MROH9: variants seen among roughly 807,000 people sequenced by gnomAD.
MROH9 encodes the protein maestro heat like repeat family member 9.
A neutral mutation model predicts 98.2 loss-of-function variants in MROH9; 92 were observed. The ratio of observed to expected loss-of-function variants is 0.94; its 90% CI spans 0.79 to 1.11. The LOEUF (loss-of-function observed/expected upper bound fraction) is 1.11. Ranked by LOEUF, MROH9 falls within the 50% of genes most tolerant of loss-of-function variation. The pLI, the probability that MROH9 is intolerant of heterozygous loss-of-function variation, is 0.00. For missense variants in MROH9, 1,057 were observed against 1,014.8 expected (o/e 1.04, Z -0.57); for synonymous variants, 397 against 368.9 (o/e 1.08, Z -0.87).
At chr1:171,012,405 C>T (rs1305381199) in intron 15 of MROH9, among the ~76,000 whole-genome samples, 1 of 152,022 alleles carries the variant, frequency 6.6e-6, no homozygotes, top group Admixed American at 6.6e-5. Context: ...CTCTCACTCT[C>T]GCTCTCTTGC....
At chr1:170,954,213 C>T (rs1649675156) in intron 3 of MROH9, among the ~76,000 whole-genome samples, 2 of 152,082 alleles carry the variant, frequency 1.3e-5, no homozygotes, top group Non-Finnish European at 2.9e-5. Flanking sequence ...AGCCATTTAT[C>T]TCTGAGAAAT....
chr1:171,015,085 A>T (rs917155661), intron 16 of MROH9: 3 of 471,210 alleles, frequency 6.4e-6, no homozygotes, highest in Non-Finnish European at 1.3e-5. Flanking sequence ...TGACAGTGCA[A>T]ATGTTCTATA....
At chr1:170,947,405 C>A in intron 2 of MROH9, 122 bp from the exon 3 acceptor site, 1 of 728,144 alleles carries the variant, frequency 1.4e-6, no homozygotes. Context: ...TGTGTGTGTG[C>A]ATGTCCTTGT....
chr1:170,936,411 C>T (rs1648883784), intron 1 of MROH9, among the ~76,000 whole-genome samples: 1 of 152,188 alleles, frequency 6.6e-6, no homozygotes, highest in Non-Finnish European at 1.5e-5. Context: ...AAGCATTCTT[C>T]TGCCTTCTTG....
rs531589131 is a variant in MROH9 at position 171,053,995 on chromosome 1, T to C, written c.2282-8137T>C. Among the ~76,000 whole-genome samples the C allele has an allele frequency of 2.0e-5, 3 of 152,212 alleles. No homozygotes were observed. The South Asian group carries it at 6.2e-4, about 32-fold the overall frequency. ...AAATAAGGCAAAACAAAAAATAAAA[T>C]GGCTAAGTTTGGATAAAAGGAAATG... On this transcript the variant is annotated intron_variant, in intron 20 of 21. Coordinates refer to ENST00000367759, the MANE Select transcript of MROH9 (RefSeq NM_001163629.2).
At chr1:171,024,366 T>C in intron 17 of MROH9, 29 bp from the exon 18 acceptor site, 1 of 1,546,062 alleles carries the variant, frequency 6.5e-7, no homozygotes, top group East Asian at 2.5e-5. Flanking sequence ...CCTAATATTA[T>C]CCTCAAATAA....
chr1:171,055,201 G>GCA (rs1653797499), intron 20 of MROH9, among the ~76,000 whole-genome samples: 2 of 152,142 alleles, frequency 1.3e-5, no homozygotes, highest in African/African-American at 2.4e-5. Context: ...ATGAAATAAT[G>GCA]GCATTTGCAG....
In MROH9 at chr1:170,961,903, A is replaced by G. The variant is rs774532387; in HGVS notation, c.302A>G (p.Asn101Ser). The G allele has an allele frequency of 1.7e-5, 25 of 1,492,130 alleles. No individual in the cohort carries two copies. Among genetic ancestry groups the G allele is most frequent in the Middle Eastern group, 3.5e-4 (2 of 5,648 alleles). 92.4% of individuals were successfully genotyped at this position (1,492,130 alleles called of 1,614,324 possible). ...TTTGTGTTTCAGAATTTATACCACAATATTTTAAATATATATGAGAACATT... is the reference window on the plus strand; with the variant it reads ...TTTGTGTTTCAGAATTTATACCACAGTATTTTAAATATATATGAGAACATT... ...YIEDMENLYHNILNIYENILT... is the reference protein window; with the variant it reads ...YIEDMENLYHSILNIYENILT... Residue 101 changes from asparagine (N) to serine (S), a missense_variant, in exon 6 of 22, where the codon AAT becomes AGT. By Grantham distance (46) the Asn-to-Ser change is conservative (BLOSUM62 1). Coordinates refer to ENST00000367759, the MANE Select transcript of MROH9 (RefSeq NM_001163629.2).
chr1:170,996,596 A>G lies in MROH9; in HGVS notation c.1427A>G (p.Gln476Arg). ...ITLMKENFWD[Q>R]LSEDLCYYHG... ...CTAATGAAGGAGAATTTCTGGGACC[A>G]GTTATCTGAAGATCTGTGTTACTAT... is the stretch of plus-strand genomic sequence containing the variant. The change falls in exon 14 of 22, where the codon CAG (glutamine) becomes CGG (arginine). Residue 476 changes from glutamine to arginine, a missense_variant. Coordinates refer to ENST00000367759, the MANE Select transcript of MROH9 (RefSeq NM_001163629.2). 6.2e-7 allele frequency: 1 copy of G among 1,613,652 alleles called. No individual in the cohort carries two copies. The highest frequency in any genetic ancestry group is 2.2e-5 in the East Asian group (1 of 44,856).
chr1:171,055,972 A>T (rs553904885), intron 20 of MROH9, among the ~76,000 whole-genome samples: 1 of 152,012 alleles, frequency 6.6e-6, no homozygotes, highest in South Asian at 2.1e-4. Context: ...CAGCAGGGGG[A>T]ACGGTGATTT....
chr1:170,956,982 C>T (rs940308374), intron 3 of MROH9, among the ~76,000 whole-genome samples: 6 of 147,058 alleles, frequency 4.1e-5, no homozygotes, highest in African/African-American at 1.5e-4. Context: ...AAGTTTTATT[C>T]AGGTCTTTTG....
At chr1:170,982,279 T>C (rs1650962679) in intron 8 of MROH9, among the ~76,000 whole-genome samples, 1 of 152,106 alleles carries the variant, frequency 6.6e-6, no homozygotes, top group South Asian at 2.1e-4. Context: ...AAGAACAAAC[T>C]ATTAATATGT....
intron 1 of MROH9, among the ~76,000 whole-genome samples, 164 bp from the exon 2 acceptor site, chr1:170,945,353 TAAC>T (rs1418789026): frequency 6.6e-6 from 1 of 152,010 alleles, no homozygotes; most frequent in Non-Finnish European, 1.5e-5. Flanking sequence ...GACACTGAAA[TAAC>T]AACATATTTT....
At chr1:170,938,433 G>A (rs1028800803) in intron 1 of MROH9, among the ~76,000 whole-genome samples, 6 of 152,170 alleles carry the variant, frequency 3.9e-5, no homozygotes, top group South Asian at 2.1e-4. Context: ...TCAGTTTTCC[G>A]GAGAACCTTG....
chr1:171,026,869 G>A (rs1033162078), intron 20 of MROH9, among the ~76,000 whole-genome samples: 9 of 151,986 alleles, frequency 5.9e-5, no homozygotes, highest in African/African-American at 1.7e-4. Context: ...AAGCATACAG[G>A]GAATCTGGGA....
At chr1:170,982,497 G>A (rs1200516030) in intron 8 of MROH9, among the ~76,000 whole-genome samples, 1 of 152,164 alleles carries the variant, frequency 6.6e-6, no homozygotes, top group East Asian at 1.9e-4. Context: ...AGGGCATGAG[G>A]AAACTTTTGG....
chr1:170,983,506 T>A lies in MROH9; in HGVS notation c.701T>A (p.Phe234Tyr). The part of the protein sequence containing the change: ...SSDVEFLPKE[F>Y]QQDESKIAQR... The stretch of plus-strand genomic sequence containing the variant: ...GATGTAGAATTTCTACCCAAGGAGT[T>A]TCAACAAGACGAAAGTAAAATAGCT... Residue 234 changes from phenylalanine (F) to tyrosine (Y), a missense_variant, in exon 9 of 22, where the codon TTT (phenylalanine) becomes TAT (tyrosine). Physicochemically the swap from Phe to Tyr is conservative, Grantham distance 22 (BLOSUM62 3). Transcript: ENST00000367759. 1.9e-6 allele frequency: 3 copies of A among 1,612,622 alleles called. No homozygotes were observed. The highest frequency in any genetic ancestry group is 2.5e-6 in the Non-Finnish European group (3 of 1,178,972).
intron 3 of MROH9, among the ~76,000 whole-genome samples, chr1:170,955,782 G>T (rs1040327806): frequency 3.9e-5 from 6 of 152,184 alleles, no homozygotes; most frequent in African/African-American, 1.4e-4. Context: ...TTACTCTGCT[G>T]ACTGTTCCTT....
chr1:171,013,465 A>G (rs989098769), intron 15 of MROH9, among the ~76,000 whole-genome samples: 67 of 151,846 alleles, frequency 4.4e-4, no homozygotes, highest in African/African-American at 1.6e-3. Context: ...AGAGTTTTAC[A>G]CCCTCCCTCC....
Sources: allele counts gnomAD v4.1 joint callset (sites outside exome capture counted in the v4.1 genomes callset), GRCh38; gene constraint gnomAD v4.1.1; transcripts MANE v1.5; gene names NCBI Gene and HGNC (gene_info 2026-07-23, HGNC 2026-07-21).